TMEM132D: variants seen among roughly 807,000 people sequenced by gnomAD.
TMEM132D encodes the protein mature OL transmembrane protein.
Under a neutral mutation model 62.3 loss-of-function variants are expected in TMEM132D, and 21 were observed. The observed-to-expected ratio is 0.34, with a 90% CI of 0.24 to 0.49. The LOEUF is 0.49. Ranked by LOEUF, TMEM132D falls within the 20% of genes least tolerant of loss-of-function variation. TMEM132D has a pLI of 0.99. For synonymous variants in TMEM132D, 621 were observed against 575.6 expected, an observed-to-expected ratio of 1.08 and a Z score of -1.13; for missense variants, 1,346 against 1,402.8, an observed-to-expected ratio of 0.96 and a Z score of 0.65.
chr12:129,183,264 C>T (rs1384940254), intron 5 of TMEM132D, among the ~76,000 whole-genome samples: 1 of 152,228 alleles, frequency 6.6e-6, no homozygotes, highest in Non-Finnish European at 1.5e-5. Flanking sequence ...CAACACGTGG[C>T]TGAGCCAAAG....
At chr12:129,423,275 A>G (rs1054515964) in intron 3 of TMEM132D, among the ~76,000 whole-genome samples, 1 of 152,144 alleles carries the variant, frequency 6.6e-6, no homozygotes, top group Non-Finnish European at 1.5e-5. Context: ...TCCTACACAT[A>G]AACAGGAAAC....
intron 4 of TMEM132D, among the ~76,000 whole-genome samples, chr12:129,318,280 G>A (rs1406584919): frequency 6.6e-6 from 1 of 152,200 alleles, no homozygotes; most frequent in Non-Finnish European, 1.5e-5. Context: ...AGCTCTGTTA[G>A]AGGGAAGGTC....
At chr12:129,212,693 C>A (rs1339971910) in intron 4 of TMEM132D, 1 of 152,182 alleles carries the variant, frequency 6.6e-6, no homozygotes, top group Non-Finnish European at 1.5e-5. Flanking sequence ...CAATCATAAT[C>A]CTTATTGTCA....
At chr12:129,419,126 T>TA (rs950663029) in intron 3 of TMEM132D, among the ~76,000 whole-genome samples, 8 of 152,258 alleles carry the variant, frequency 5.3e-5, no homozygotes, top group Admixed American at 3.9e-4. Context: ...CTTCGTTATG[T>TA]AAAAAATGGG....
intron 4 of TMEM132D, among the ~76,000 whole-genome samples, chr12:129,216,519 T>C (rs1231389752): frequency 6.6e-6 from 1 of 152,098 alleles, no homozygotes; most frequent in Non-Finnish European, 1.5e-5. Context: ...CTGAGGAATA[T>C]CAAGAATTGG....
In TMEM132D at chr12:129,364,180, A is replaced by C. The variant is rs114884751; in HGVS notation, c.1116-26363T>G. Among the ~76,000 whole-genome samples, 318 of 152,326 alleles carry C rather than the reference A, an allele frequency of 2.1e-3. 2 individuals carry two copies. The highest frequency in any genetic ancestry group is 7.3e-3 in the African/African-American group (304 of 41,572). Reference sequence around the variant, plus strand: ...GACTTTAGAGTGAATTACACTTGGAATAGAATCCCGATATGGTATTAGTTG... The same window carrying C: ...GACTTTAGAGTGAATTACACTTGGACTAGAATCCCGATATGGTATTAGTTG... On this transcript the variant is annotated intron_variant, in intron 3 of 8. Coordinates refer to ENST00000422113, the MANE Select transcript of TMEM132D (RefSeq NM_133448.3).
At chr12:129,188,364 C>T (rs1878277690) in intron 5 of TMEM132D, among the ~76,000 whole-genome samples, 1 of 152,186 alleles carries the variant, frequency 6.6e-6, no homozygotes, top group Non-Finnish European at 1.5e-5. Context: ...CTGGATTGGC[C>T]AATACTCCAG....
At chr12:129,299,577 T>C (rs1371342939) in intron 4 of TMEM132D, among the ~76,000 whole-genome samples, 1 of 151,320 alleles carries the variant, frequency 6.6e-6, no homozygotes, top group Non-Finnish European at 1.5e-5. Flanking sequence ...TGACAATTCA[T>C]GGGAGAGCCC....
At chr12:129,240,249 T>G (rs559415135) in intron 4 of TMEM132D, among the ~76,000 whole-genome samples, 1 of 152,338 alleles carries the variant, frequency 6.6e-6, no homozygotes, top group South Asian at 2.1e-4. Flanking sequence ...ATGTATAAAA[T>G]GACCCTCTGC....
intron 3 of TMEM132D, among the ~76,000 whole-genome samples, chr12:129,485,189 CTCAG>C (rs1440577058): frequency 6.6e-6 from 1 of 152,156 alleles, no homozygotes; most frequent in East Asian, 1.9e-4. Context: ...GGGTGCCAGG[CTCAG>C]TCCCACGGGG....
chr12:129,327,898 G>C (rs752058028), intron 4 of TMEM132D, among the ~76,000 whole-genome samples: 3 of 152,144 alleles, frequency 2.0e-5, no homozygotes, highest in Non-Finnish European at 2.9e-5. Context: ...ATGCCTGATG[G>C]GGTCTCTAGT....
chr12:129,838,184 C>T (rs1160439441), intron 1 of TMEM132D, among the ~76,000 whole-genome samples: 1 of 152,154 alleles, frequency 6.6e-6, no homozygotes, highest in Admixed American at 6.5e-5. Context: ...GGATTAAAAG[C>T]CACAGGTGAG....
chr12:129,863,138 C>T (rs1241461660), intron 1 of TMEM132D, among the ~76,000 whole-genome samples: 2 of 152,168 alleles, frequency 1.3e-5, no homozygotes, highest in Non-Finnish European at 2.9e-5. Flanking sequence ...ATTAAAGTCA[C>T]TATAATTTTT....
At position 129,476,008 on chromosome 12, in the gene TMEM132D, C is replaced by T. The variant is rs540212623; in HGVS notation, c.1115+55051G>A. Among the ~76,000 whole-genome samples, 39 of 152,272 alleles carry T rather than the reference C, an allele frequency of 2.6e-4. No homozygotes were observed. The South Asian group carries it at 7.9e-3, about 31-fold the overall frequency. On this transcript the variant is annotated intron_variant, in intron 3 of 8. Coordinates refer to ENST00000422113, the MANE Select transcript of TMEM132D (RefSeq NM_133448.3). The stretch of plus-strand genomic sequence containing the variant: ...CTCACGTATTTGTAAGCGGGTGTTC[C>T]CTCTCCATCAGTATCCTGTGGGTGT...
intron 8 of TMEM132D, among the ~76,000 whole-genome samples, chr12:129,077,401 TTTGTTA>T (rs1271963450): frequency 6.6e-6 from 1 of 152,242 alleles, no homozygotes; most frequent in Non-Finnish European, 1.5e-5. Context: ...ACCACCATGT[TTTGTTA>T]TTAAGCAAGC....
At chr12:129,199,335 C>T (rs1878632516) in intron 5 of TMEM132D, among the ~76,000 whole-genome samples, 1 of 152,134 alleles carries the variant, frequency 6.6e-6, no homozygotes, top group East Asian at 1.9e-4. Flanking sequence ...CTCCTGAGCT[C>T]ATGTGATCCA....
At chr12:129,109,789 GT>G in intron 5 of TMEM132D, 1 of 160,920 alleles carries the variant, frequency 6.2e-6, no homozygotes, top group Non-Finnish European at 1.3e-5. Flanking sequence ...TTTGTTCCCC[GT>G]TTTGGGTATG....
At chr12:129,448,534 T>C (rs1873175259) in intron 3 of TMEM132D, among the ~76,000 whole-genome samples, 2 of 152,220 alleles carry the variant, frequency 1.3e-5, no homozygotes, top group South Asian at 2.1e-4. Context: ...GCTCCATCCA[T>C]GTTGCTGCAA....
chr12:129,649,334 T>G (rs1305123214), intron 2 of TMEM132D, among the ~76,000 whole-genome samples: 1 of 152,214 alleles, frequency 6.6e-6, no homozygotes, highest in Non-Finnish European at 1.5e-5. Context: ...ACAGAAAAAC[T>G]TGGAATTGCT....
Sources: allele counts gnomAD v4.1 joint callset (sites outside exome capture counted in the v4.1 genomes callset), GRCh38; gene constraint gnomAD v4.1.1; transcripts MANE v1.5; gene names NCBI Gene and HGNC (gene_info 2026-07-23, HGNC 2026-07-21).